Variants in B3GNT2 observed in about 807,000 individuals in gnomAD.
B3GNT2 encodes UDP-GlcNAc:betaGal beta-1,3-N-acetylglucosaminyltransferase 2.
B3GNT2 carries 12 observed loss-of-function variants against 27.6 expected under a neutral mutation model. The observed-to-expected ratio is 0.44, with a 90% CI of 0.28 to 0.71. B3GNT2 has a LOEUF of 0.71. B3GNT2 is among the 30% of genes least tolerant of loss of function. The probability of loss-of-function intolerance (pLI) is 0.17; values close to 1 mark genes in which losing one functional copy is unlikely to be tolerated. For missense variants in B3GNT2, 413 were observed against 488.5 expected (o/e 0.85, Z 1.46); for synonymous variants, 192 against 189.7 (o/e 1.01, Z -0.10).
intron 1 of B3GNT2, among the ~76,000 whole-genome samples, chr2:62,213,007 C>G (rs1313067357): frequency 6.6e-6 from 1 of 152,170 alleles, no homozygotes. Flanking sequence ...GGAGTGGAAG[C>G]ATTTACCAAG....
At chr2:62,208,211 CCCCCCTTCCTTT>C (rs1288865927) in intron 1 of B3GNT2, among the ~76,000 whole-genome samples, 3 of 123,444 alleles carry the variant, frequency 2.4e-5, no homozygotes, top group South Asian at 3.1e-4. Context: ...CTCCTTCCTT[CCCCCCTTCCTTT>C]CCCCCTTCCT....
chr2:62,217,806 G>A (rs1674604978), intron 1 of B3GNT2, among the ~76,000 whole-genome samples: 2 of 152,214 alleles, frequency 1.3e-5, no homozygotes, highest in African/African-American at 4.8e-5. Context: ...TATCTAGATT[G>A]TCACATAGTT....
intron 1 of B3GNT2, among the ~76,000 whole-genome samples, chr2:62,209,675 G>A (rs898311527): frequency 1.3e-5 from 2 of 152,120 alleles, no homozygotes; most frequent in African/African-American, 4.8e-5. Flanking sequence ...TACAGTTGGT[G>A]GGTAACGCTG....
chr2:62,200,947 C>T (rs766404133), intron 1 of B3GNT2, among the ~76,000 whole-genome samples: 4 of 152,174 alleles, frequency 2.6e-5, no homozygotes, highest in Non-Finnish European at 5.9e-5. Flanking sequence ...TAAAATTACA[C>T]GAACTATTTC....
intron 1 of B3GNT2, among the ~76,000 whole-genome samples, chr2:62,210,991 G>T (rs1202954731): frequency 6.6e-6 from 1 of 152,144 alleles, no homozygotes. Flanking sequence ...ATGATGATGT[G>T]TCTAGGAGGG....
At chr2:62,199,731 C>T (rs1194299488) in intron 1 of B3GNT2, among the ~76,000 whole-genome samples, 1 of 152,226 alleles carries the variant, frequency 6.6e-6, no homozygotes, top group Non-Finnish European at 1.5e-5. Flanking sequence ...AAGAAAACAG[C>T]ACAAACACCC....
chr2:62,209,905 A>G (rs900765047), intron 1 of B3GNT2, among the ~76,000 whole-genome samples: 4 of 152,192 alleles, frequency 2.6e-5, no homozygotes, highest in African/African-American at 7.2e-5. Flanking sequence ...ATCCTTTCGT[A>G]TGAATAATCA....
rs541323602 is a variant in B3GNT2 at position 62,196,614 on chromosome 2, G to C, written c.-10+259G>C. 3.9e-5 allele frequency among the ~76,000 whole-genome samples: 6 copies of C among 152,356 alleles called. No homozygotes were observed. The South Asian group carries it at 1.2e-3, about 32-fold the overall frequency. On this transcript the variant is annotated intron_variant, in intron 1 of 1. Coordinates refer to ENST00000301998, the MANE Select transcript of B3GNT2 (RefSeq NM_006577.6). ...CAGCCACCCAACCTCAGCCCAGAGGGAGAGGAGAGGGACACCGCCCGCTGC... is the reference window on the plus strand; with the variant it reads ...CAGCCACCCAACCTCAGCCCAGAGGCAGAGGAGAGGGACACCGCCCGCTGC...
chr2:62,198,033 C>T (rs563880263), intron 1 of B3GNT2, among the ~76,000 whole-genome samples: 60 of 152,362 alleles, frequency 3.9e-4, no homozygotes, highest in African/African-American at 1.3e-3. Flanking sequence ...TAATCCTTTT[C>T]CTCCCTGCTC....
intron 1 of B3GNT2, among the ~76,000 whole-genome samples, chr2:62,198,910 T>C (rs1674208691): frequency 6.6e-6 from 1 of 152,204 alleles, no homozygotes; most frequent in Non-Finnish European, 1.5e-5. Context: ...GAATCTTCTG[T>C]TTCTCAAACT....
chr2:62,211,627 C>T (rs1451353949), intron 1 of B3GNT2, among the ~76,000 whole-genome samples: 1 of 152,190 alleles, frequency 6.6e-6, no homozygotes, highest in Non-Finnish European at 1.5e-5. Context: ...AAAACACATT[C>T]CTCCAGTCCA....
chr2:62,204,815 CT>C (rs1674340694), intron 1 of B3GNT2, among the ~76,000 whole-genome samples: 1 of 152,032 alleles, frequency 6.6e-6, no homozygotes, highest in Non-Finnish European at 1.5e-5. Context: ...TTTTTTAACT[CT>C]TTATAATGGA....
At chr2:62,213,986 G>A (rs1279351503) in intron 1 of B3GNT2, among the ~76,000 whole-genome samples, 3 of 152,166 alleles carry the variant, frequency 2.0e-5, no homozygotes, top group South Asian at 2.1e-4. Flanking sequence ...CCTTGACTGC[G>A]GAGGGTTCCC....
intron 1 of B3GNT2, among the ~76,000 whole-genome samples, chr2:62,199,266 T>C (rs1019577240): frequency 6.6e-6 from 1 of 152,248 alleles, no homozygotes; most frequent in East Asian, 1.9e-4. Flanking sequence ...CTAGCAATGC[T>C]AGGGTTTCAT....
intron 1 of B3GNT2, among the ~76,000 whole-genome samples, chr2:62,218,537 A>G (rs1186852506): frequency 6.6e-6 from 1 of 152,152 alleles, no homozygotes; most frequent in Non-Finnish European, 1.5e-5. Flanking sequence ...TTAACTATCA[A>G]TGTACCATGA....
intron 1 of B3GNT2, among the ~76,000 whole-genome samples, chr2:62,208,920 A>AG (rs1405775119): frequency 2.0e-5 from 3 of 151,988 alleles, no homozygotes; most frequent in Admixed American, 6.6e-5. Context: ...GGTAACAGCA[A>AG]GGGGGAAGAA....
intron 1 of B3GNT2, among the ~76,000 whole-genome samples, chr2:62,211,015 T>C (rs1331818374): frequency 1.3e-5 from 2 of 152,156 alleles, no homozygotes; most frequent in Non-Finnish European, 2.9e-5. Context: ...TTATGTGTTT[T>C]CAGTTATAGG....
chr2:62,213,271 T>G (rs570509654), intron 1 of B3GNT2, among the ~76,000 whole-genome samples: 1 of 152,336 alleles, frequency 6.6e-6, no homozygotes, highest in South Asian at 2.1e-4. Context: ...TAGTCTAGCC[T>G]GGGCGACAGC....
intron 1 of B3GNT2, among the ~76,000 whole-genome samples, chr2:62,207,231 G>A (rs1253425070): frequency 6.6e-6 from 1 of 151,860 alleles, no homozygotes. Flanking sequence ...TCAGGTTGGA[G>A]TGCCGTGGCA....
Sources: gnomAD v4.1 joint callset for allele counts (sites outside exome capture counted in the v4.1 genomes callset) on GRCh38, gnomAD v4.1.1 for gene constraint, MANE v1.5 for transcripts, NCBI Gene and HGNC (gene_info 2026-07-23, HGNC 2026-07-21) for gene names.